The following SPIRE1 variants were observed in gnomAD, a reference collection of about 807,000 sequenced individuals.
SPIRE1 encodes spire type actin nucleation factor 1, also known as protein spire homolog 1.
A neutral mutation model predicts 94.1 loss-of-function variants in SPIRE1; 40 were observed. The observed-to-expected ratio is 0.43, with a 90% confidence interval of 0.33 to 0.55. The LOEUF is 0.55. Ranked by LOEUF, SPIRE1 falls within the 20% of genes least tolerant of loss-of-function variation. The probability of loss-of-function intolerance (pLI) is 0.06; values close to 1 mark genes in which losing one functional copy is unlikely to be tolerated. For synonymous variants in SPIRE1, 376 were observed against 371.7 expected (o/e 1.01, Z -0.13); for missense variants, 838 against 975.2 (o/e 0.86, Z 1.87).
At chr18:12,638,872 G>A (rs1048918313) in intron 1 of SPIRE1, among the ~76,000 whole-genome samples, 5 of 152,012 alleles carry the variant, frequency 3.3e-5, no homozygotes, top group African/African-American at 4.8e-5. Context: ...CACCTTTTGC[G>A]ATGACTGTAA....
chr18:12,496,067 ACT>A lies in SPIRE1; in HGVS notation c.1006_1007del (p.Ser336CysfsTer3). On this transcript the variant is annotated frameshift_variant, in exon 7 of 17. Transcript: ENST00000409402. LOFTEE classifies it high-confidence loss of function. ...NGDIPPRLKK[S>X]AHEIILDFIR... is the part of the protein sequence containing the mutation. ...TGAAGTCGAGGATGATTTCATGAGC[ACT>A]CTTTTTTAACCGAGGGGGAATATCA... The A allele has an allele frequency of 6.2e-7, 1 of 1,613,816 alleles. No homozygotes were observed. The highest frequency in any genetic ancestry group is 8.5e-7 in the Non-Finnish European group (1 of 1,179,784).
At chr18:12,478,377 AGTGT>A (rs150214688) in intron 10 of SPIRE1, among the ~76,000 whole-genome samples, 1 of 132,436 alleles carries the variant, frequency 7.6e-6, no homozygotes, top group African/African-American at 3.0e-5. Context: ...ATGAAGCTAG[AGTGT>A]GTGTGTGCGC....
chr18:12,609,868 C>T (rs2037090084), intron 2 of SPIRE1, among the ~76,000 whole-genome samples: 1 of 151,870 alleles, frequency 6.6e-6, no homozygotes, highest in Non-Finnish European at 1.5e-5. Context: ...GGTGTAACCT[C>T]CAGAAGTAAC....
chr18:12,658,216 G>A, upstream of SPIRE1: 1 of 557,130 alleles, frequency 1.8e-6, no homozygotes, highest in Non-Finnish European at 3.0e-6. Context: ...GTGAGGACCA[G>A]GCAGGAGGGC....
At chr18:12,647,188 C>G (rs966760611) in intron 1 of SPIRE1, among the ~76,000 whole-genome samples, 1 of 152,148 alleles carries the variant, frequency 6.6e-6, no homozygotes, top group Non-Finnish European at 1.5e-5. Flanking sequence ...ACTAATGTCT[C>G]ATATCAGTTT....
At position 12,471,567 on chromosome 18, in the gene SPIRE1, G is replaced by A. The variant is rs118029704; in HGVS notation, c.1405-6609C>T. On this transcript the variant is annotated intron_variant, in intron 10 of 16. Transcript: ENST00000409402. ...TTGAACTTCTGGCCTTAAGTGATCC[G>A]TCCGCCTCAGCCTCCCAGTGCTGGG... 6.1e-3 allele frequency among the ~76,000 whole-genome samples: 927 copies of A among 152,066 alleles called. 7 individuals carry two copies. The highest frequency in any genetic ancestry group is 9.9e-3 in the Non-Finnish European group (674 of 67,976).
At chr18:12,464,376 T>A (rs1187465940) in intron 11 of SPIRE1, among the ~76,000 whole-genome samples, 2 of 152,214 alleles carry the variant, frequency 1.3e-5, no homozygotes, top group Non-Finnish European at 2.9e-5. Flanking sequence ...CTTCATAATG[T>A]TCTTATAAAT....
At chr18:12,609,017 G>T (rs1037172738) in intron 2 of SPIRE1, among the ~76,000 whole-genome samples, 1 of 152,184 alleles carries the variant, frequency 6.6e-6, no homozygotes, top group Non-Finnish European at 1.5e-5. Flanking sequence ...TCCCACCTCA[G>T]ATCATCAGGC....
At chr18:12,500,698 T>C (rs2033623962) in intron 6 of SPIRE1, among the ~76,000 whole-genome samples, 1 of 151,586 alleles carries the variant, frequency 6.6e-6, no homozygotes, top group South Asian at 2.1e-4. Flanking sequence ...CTAGCGAAAA[T>C]GAAAGAATCC....
chr18:12,610,913 A>G (rs889344257), intron 2 of SPIRE1, among the ~76,000 whole-genome samples: 2 of 152,038 alleles, frequency 1.3e-5, no homozygotes, highest in Admixed American at 6.6e-5. Flanking sequence ...ATCTTTTGAC[A>G]CACATACTGT....
At chr18:12,490,324 C>T (rs982933755) in intron 8 of SPIRE1, among the ~76,000 whole-genome samples, 3 of 151,964 alleles carry the variant, frequency 2.0e-5, no homozygotes, top group Non-Finnish European at 4.4e-5. Flanking sequence ...GAGATTGAAT[C>T]ACTCATCAAA....
intron 2 of SPIRE1, among the ~76,000 whole-genome samples, chr18:12,575,412 G>T (rs891443597): frequency 6.6e-6 from 1 of 152,086 alleles, no homozygotes; most frequent in Non-Finnish European, 1.5e-5. Flanking sequence ...GTTGCCCAGG[G>T]TGGGGTGCAG....
rs1298246862 is a variant in SPIRE1 at position 12,553,514 on chromosome 18, T to A, written c.373-6610A>T. On this transcript the variant is annotated intron_variant, in intron 2 of 16. Coordinates refer to ENST00000409402, the MANE Select transcript of SPIRE1 (RefSeq NM_001128626.2). ...GCCTGTGGAAGAGGCGAGGGAAGAG[T>A]GGGAAGGACTGTGTCCCATGGTTTG... 2.0e-5 allele frequency among the ~76,000 whole-genome samples: 3 copies of A among 151,324 alleles called. No homozygotes were observed. The East Asian group carries it at 5.8e-4, about 29-fold the overall frequency.
chr18:12,467,464 G>C (rs1214966355), intron 10 of SPIRE1, among the ~76,000 whole-genome samples: 2 of 152,146 alleles, frequency 1.3e-5, no homozygotes. Flanking sequence ...TTTACAGAAG[G>C]TCAGACAAGA....
chr18:12,508,036 C>T (rs1195379100), intron 5 of SPIRE1, among the ~76,000 whole-genome samples: 3 of 151,988 alleles, frequency 2.0e-5, no homozygotes, highest in Non-Finnish European at 4.4e-5. Context: ...GTCCCAGCTA[C>T]TCAGGAGGCT....
chr18:12,636,513 G>C (rs2037933124), intron 1 of SPIRE1, among the ~76,000 whole-genome samples: 1 of 103,700 alleles, frequency 9.6e-6, no homozygotes, highest in Non-Finnish European at 2.4e-5. Flanking sequence ...GAAATGAGTT[G>C]GTTGAAAAAA....
intron 10 of SPIRE1, 28 bp from the exon 11 acceptor site, chr18:12,464,986 A>G: frequency 6.2e-7 from 1 of 1,600,378 alleles, no homozygotes. Context: ...GGAGAAATCG[A>G]CTTCTTAGAC....
At position 12,546,681 on chromosome 18, in the gene SPIRE1, A is replaced by G. The variant is rs937314160; in HGVS notation, c.596T>C (p.Val199Ala). Residue 199 changes from valine to alanine, a missense_variant, in exon 3 of 17, where the codon GTC becomes GCC. Around this residue, in one of 2 missense-constraint regions of SPIRE1, gnomAD observed 645 missense variants for 804.7 expected, o/e 0.80. Transcript: ENST00000409402. The part of the protein sequence containing the change: ...KISAIRSYRD[V>A]MKLCAAHLPT... Reference sequence around the variant, plus strand: ...CATAAAACGCTGCCTTACCTTCATGACATCTCTATATGACCGAATAGCTGA... The same window carrying G: ...CATAAAACGCTGCCTTACCTTCATGGCATCTCTATATGACCGAATAGCTGA... 1.2e-6 allele frequency: 2 copies of G among 1,612,262 alleles called. No homozygotes were observed. The highest frequency in any genetic ancestry group is 1.7e-6 in the Non-Finnish European group (2 of 1,178,530).
chr18:12,569,082 T>G, intron 2 of SPIRE1, among the ~76,000 whole-genome samples: 1 of 152,226 alleles, frequency 6.6e-6, no homozygotes, highest in East Asian at 1.9e-4. Context: ...GGCTCATGCC[T>G]GCAATCCCAG....
Sources: allele counts gnomAD v4.1 joint callset (sites outside exome capture counted in the v4.1 genomes callset), GRCh38; gene constraint gnomAD v4.1.1; regional missense constraint gnomAD v4.1.1; transcripts MANE v1.5; gene names NCBI Gene and HGNC (gene_info 2026-07-23, HGNC 2026-07-21).